SNAP91: variants seen among roughly 807,000 people sequenced by gnomAD.
The protein encoded by SNAP91 is synaptosome associated protein 91.
SNAP91 carries 27 observed loss-of-function variants against 100.3 expected under a neutral mutation model. The ratio of observed to expected loss-of-function variants is 0.27; its 90% CI spans 0.20 to 0.37. The LOEUF (loss-of-function observed/expected upper bound fraction) is 0.37. Among genes scored for constraint, SNAP91 ranks in the 10% least tolerant of loss-of-function variants. SNAP91 has a pLI of 1.00. For synonymous variants in SNAP91, 404 were observed against 398.6 expected (o/e 1.01, Z -0.16); for missense variants, 986 against 1,123.7 (o/e 0.88, Z 1.75).
At chr6:83,612,073 T>TC (rs1235153936) in intron 11 of SNAP91, among the ~76,000 whole-genome samples, 1 of 151,952 alleles carries the variant, frequency 6.6e-6, no homozygotes, top group Non-Finnish European at 1.5e-5. Context: ...GCCTGCCATT[T>TC]CCTGTTTGAA....
intron 16 of SNAP91, among the ~76,000 whole-genome samples, chr6:83,596,869 C>A (rs2094534710): frequency 6.6e-6 from 1 of 152,130 alleles, no homozygotes; most frequent in South Asian, 2.1e-4. Flanking sequence ...CACTGTACTG[C>A]ATTTTTTATG....
chr6:83,637,212 C>T (rs1326526442), intron 8 of SNAP91, among the ~76,000 whole-genome samples: 1 of 152,150 alleles, frequency 6.6e-6, no homozygotes, highest in Non-Finnish European at 1.5e-5. Flanking sequence ...GTGCTGTCCC[C>T]TTCAAGTACT....
chr6:83,703,175 AAACT>A (rs1467764622), intron 2 of SNAP91, among the ~76,000 whole-genome samples: 1 of 146,020 alleles, frequency 6.8e-6, no homozygotes, highest in African/African-American at 2.6e-5. Flanking sequence ...TTTTTTTTTT[AAACT>A]AATAGTTAAA....
intron 13 of SNAP91, among the ~76,000 whole-genome samples, chr6:83,607,366 T>TGTGTGTG (rs1562315869): frequency 1.3e-5 from 2 of 151,496 alleles, no homozygotes; most frequent in Non-Finnish European, 1.5e-5. Context: ...TGTGTGTGTG[T>TGTGTGTG]TTTAAAGCAT....
At chr6:83,646,892 A>T (rs2097940643) in intron 7 of SNAP91, among the ~76,000 whole-genome samples, 1 of 152,100 alleles carries the variant, frequency 6.6e-6, no homozygotes, top group Non-Finnish European at 1.5e-5. Flanking sequence ...CCTCATATAG[A>T]TCTTAGAGAC....
chr6:83,565,663 C>T (rs1452298921), intron 26 of SNAP91, among the ~76,000 whole-genome samples: 1 of 152,056 alleles, frequency 6.6e-6, no homozygotes, highest in Non-Finnish European at 1.5e-5. Flanking sequence ...ATAAATAGAC[C>T]TTTCTCTAAA....
In SNAP91 at chr6:83,575,101, G is replaced by A. The variant is rs765565792; in HGVS notation, c.2351C>T (p.Ala784Val). 1.9e-6 allele frequency: 3 copies of A among 1,606,210 alleles called. No individual in the cohort carries two copies. In the African/African-American group the frequency reaches 4.0e-5, roughly 21 times the overall value. The change falls in exon 26 of 30, where the codon GCT becomes GTT. Residue 784 changes from alanine (A) to valine (V), a missense_variant. By Grantham distance (64) the Ala-to-Val change is moderately conservative. Around this residue, in one of 4 missense-constraint regions of SNAP91, gnomAD observed 575 missense variants for 579.9 expected, o/e 0.99. Transcript: ENST00000369694. ...TTKKGDLQWN[A>V]GEKKLTGGAN... ...TCCACCAGTCAACTTTTTCTCTCCAGCATTCCACTGAAGATCTCCCCTAAA... is the reference window on the plus strand; with the variant it reads ...TCCACCAGTCAACTTTTTCTCTCCAACATTCCACTGAAGATCTCCCCTAAA...
chr6:83,592,094 T>C (rs1281465127), intron 21 of SNAP91, among the ~76,000 whole-genome samples: 1 of 152,234 alleles, frequency 6.6e-6, no homozygotes, highest in African/African-American at 2.4e-5. Flanking sequence ...GTCATGTTTA[T>C]TTGGCTTTTA....
In SNAP91 at chr6:83,583,422, T is replaced by G. The variant is rs879813499; in HGVS notation, c.2015-1066A>C. On this transcript the variant is annotated intron_variant, in intron 22 of 29. Transcript: ENST00000369694. ...GAAGGACACTTTTGAATATAAAAGG[T>G]GAGGACAAATCAAAGACTACTGTAA... is the stretch of plus-strand genomic sequence containing the variant. 2.1e-4 allele frequency among the ~76,000 whole-genome samples: 32 copies of G among 152,218 alleles called. 1 individual carries two copies. Among genetic ancestry groups the G allele is most frequent in the Admixed American group, 2.6e-4 (4 of 15,274 alleles).
At chr6:83,687,038 C>CAT (rs2128956687) in intron 2 of SNAP91, among the ~76,000 whole-genome samples, 1 of 152,252 alleles carries the variant, frequency 6.6e-6, no homozygotes, top group Admixed American at 6.5e-5. Context: ...GAGAAATGGA[C>CAT]ATAATACAGG....
At chr6:83,587,741 G>A (rs149548304) in intron 22 of SNAP91, among the ~76,000 whole-genome samples, 97 of 152,182 alleles carry the variant, frequency 6.4e-4, no homozygotes, top group African/African-American at 2.1e-3. Context: ...TTTATATTGC[G>A]TTTATTAGCA....
intron 2 of SNAP91, chr6:83,678,640 C>T (rs1200918704): frequency 1.2e-6 from 1 of 802,598 alleles, no homozygotes; most frequent in Non-Finnish European, 1.8e-6. Flanking sequence ...CTCTCAAATT[C>T]TTTTCTATTT....
At chr6:83,702,479 T>C (rs1292390566) in intron 2 of SNAP91, among the ~76,000 whole-genome samples, 5 of 152,210 alleles carry the variant, frequency 3.3e-5, no homozygotes, top group South Asian at 2.1e-4. Context: ...TTAACCACCA[T>C]TTATTAAACA....
intron 13 of SNAP91, among the ~76,000 whole-genome samples, chr6:83,607,405 G>A (rs1471132572): frequency 1.3e-5 from 2 of 150,558 alleles, no homozygotes; most frequent in South Asian, 4.2e-4. Context: ...TCTCCCACAA[G>A]AAGAAACTAA....
At chr6:83,554,633 G>A (rs990629096) in intron 29 of SNAP91, among the ~76,000 whole-genome samples, 5 of 152,128 alleles carry the variant, frequency 3.3e-5, no homozygotes, top group African/African-American at 1.2e-4. Flanking sequence ...AAAAAGGGCA[G>A]CTAAAGAAAA....
chr6:83,592,159 T>C (rs2093849098), intron 21 of SNAP91, among the ~76,000 whole-genome samples: 2 of 152,204 alleles, frequency 1.3e-5, no homozygotes, highest in Non-Finnish European at 2.9e-5. Flanking sequence ...GGAAGAACAG[T>C]TGAAGGAAAT....
At chr6:83,564,852 T>C (rs1408926827) in intron 26 of SNAP91, among the ~76,000 whole-genome samples, 2 of 151,934 alleles carry the variant, frequency 1.3e-5, no homozygotes, top group Non-Finnish European at 2.9e-5. Flanking sequence ...AAGGCAATAG[T>C]TTTTAAAAAT....
chr6:83,684,934 C>T (rs2099040731), intron 2 of SNAP91, among the ~76,000 whole-genome samples: 1 of 152,108 alleles, frequency 6.6e-6, no homozygotes, highest in Admixed American at 6.6e-5. Context: ...AAGATCTGTG[C>T]CTCTTTCCTA....
intron 12 of SNAP91, among the ~76,000 whole-genome samples, 186 bp downstream of exon 12, chr6:83,610,464 T>TG (rs2095936890): frequency 6.8e-6 from 1 of 147,738 alleles, no homozygotes; most frequent in African/African-American, 2.5e-5. Context: ...GAGAGGGAGG[T>TG]GGGGAGTTAT....
Sources: allele counts gnomAD v4.1 joint callset (sites outside exome capture counted in the v4.1 genomes callset), GRCh38; gene constraint gnomAD v4.1.1; regional missense constraint gnomAD v4.1.1; transcripts MANE v1.5; gene names NCBI Gene and HGNC (gene_info 2026-07-23, HGNC 2026-07-21).